The following ZDHHC20 variants were observed in gnomAD, a reference collection of about 807,000 sequenced individuals.
The protein encoded by ZDHHC20 is palmitoyltransferase ZDHHC20.
ZDHHC20 carries 43 observed loss-of-function variants against 57.8 expected under a neutral mutation model. The ratio of observed to expected loss-of-function variants is 0.74; its 90% CI spans 0.58 to 0.96. The LOEUF is 0.96. Among genes scored for constraint, ZDHHC20 ranks in the 40% least tolerant of loss-of-function variants. The pLI is 0.00. For synonymous variants in ZDHHC20, 157 were observed against 153.0 expected, an observed-to-expected ratio of 1.03 and a Z score of -0.19; for missense variants, 391 against 441.1, an observed-to-expected ratio of 0.89 and a Z score of 1.02.
chr13:21,379,878 A>G (rs2315543), intron 11 of ZDHHC20, among the ~76,000 whole-genome samples: 132,882 of 148,370 alleles, frequency 0.9, 59,548 homozygotes, highest in East Asian at 1. Context: ...GCAGTGGTGC[A>G]ATCTTGGCTC....
At chr13:21,416,775 C>G (rs1033185886) in intron 3 of ZDHHC20, among the ~76,000 whole-genome samples, 2 of 152,074 alleles carry the variant, frequency 1.3e-5, no homozygotes, top group African/African-American at 4.8e-5. Context: ...ACAGAAAGCA[C>G]AAGGATGTGA....
At chr13:21,410,908 C>T (rs532468689) in intron 4 of ZDHHC20, among the ~76,000 whole-genome samples, 17 of 152,038 alleles carry the variant, frequency 1.1e-4, no homozygotes, top group East Asian at 5.8e-4. Flanking sequence ...CACTGGGGTA[C>T]GAAAAAAAAC....
chr13:21,428,932 G>C (rs926444765), intron 1 of ZDHHC20, among the ~76,000 whole-genome samples: 6 of 151,936 alleles, frequency 3.9e-5, no homozygotes, highest in Non-Finnish European at 8.8e-5. Flanking sequence ...AAAATTATTA[G>C]GCACACTAAA....
chr13:21,387,493 C>T lies in ZDHHC20; in HGVS notation c.854+15G>A. The T allele has an allele frequency of 1.3e-6, 2 of 1,490,304 alleles. No individual in the cohort carries two copies. Among genetic ancestry groups the T allele is most frequent in the Middle Eastern group, 2.1e-4 (1 of 4,776 alleles). 92.3% of individuals were successfully genotyped at this position (1,490,304 alleles called of 1,614,324 possible). ...CAGATGCCATAATCTCTGAGACCCA[C>T]ATTTTATAAATTACCTTGAAAATAT... On this transcript the variant is annotated intron_variant, in intron 9 of 12. Transcript: ENST00000400590.
chr13:21,423,160 C>T (rs958015179), intron 2 of ZDHHC20, among the ~76,000 whole-genome samples: 5 of 152,158 alleles, frequency 3.3e-5, no homozygotes, highest in African/African-American at 9.7e-5. Flanking sequence ...GTTTCCTCCA[C>T]GTTTTAAACC....
chr13:21,391,590 G>A, intron 8 of ZDHHC20, 132 bp downstream of exon 8: 1 of 973,228 alleles, frequency 1.0e-6, no homozygotes, highest in African/African-American at 1.7e-5. Flanking sequence ...GGGATTATTA[G>A]GCACGTGCCA....
rs536058648 is a variant in ZDHHC20, at chr13:21,395,201, G to A, written c.595-3347C>T. Among the ~76,000 whole-genome samples, 4 of 151,674 alleles carry A rather than the reference G, an allele frequency of 2.6e-5. No homozygotes were observed. In the South Asian group the frequency reaches 8.3e-4, roughly 32 times the overall value. On this transcript the variant is annotated intron_variant, in intron 7 of 12. Transcript: ENST00000400590. ...CCTGCCTCAGCCTCCAGAGTAGCTG[G>A]GACTACAGGCGCCAGCTACCAGGCC...
chr13:21,378,839 G>A, intron 11 of ZDHHC20, 101 bp from the exon 12 acceptor site: 2 of 593,122 alleles, frequency 3.4e-6, no homozygotes, highest in Non-Finnish European at 5.2e-6. Flanking sequence ...TGACTATCAT[G>A]TAAATACAAA....
intron 1 of ZDHHC20, among the ~76,000 whole-genome samples, chr13:21,433,160 T>C (rs954922437): frequency 1.3e-5 from 2 of 152,102 alleles, no homozygotes; most frequent in Non-Finnish European, 2.9e-5. Context: ...AGGATTTTGC[T>C]GTATTGCCCA....
At position 21,374,208 on chromosome 13, in the gene ZDHHC20, G is replaced by GT. The variant is rs1871647946; in HGVS notation, c.*2487dup. 1.1e-5 allele frequency: 2 copies of GT among 188,984 alleles called. No individual in the cohort carries two copies. Among genetic ancestry groups the GT allele is most frequent in the Admixed American group, 5.3e-5 (1 of 18,838 alleles). 11.7% of individuals were successfully genotyped at this position (188,984 alleles called of 1,614,324 possible). A position where few individuals can be genotyped will look rare whatever the true frequency, so the allele number is the denominator to read the frequency against. The stretch of plus-strand genomic sequence containing the variant: ...ATGCAAACTGCCAAACTGGAGTTAT[G>GT]TTTTTAGTTGGTAATTGATATATAT... On this transcript the variant is annotated 3_prime_UTR_variant, in exon 13 of 13. Transcript: ENST00000400590.
chr13:21,398,320 C>T (rs967359394), intron 7 of ZDHHC20, among the ~76,000 whole-genome samples: 14 of 151,932 alleles, frequency 9.2e-5, no homozygotes, highest in Non-Finnish European at 1.9e-4. Context: ...AAAAATTAGC[C>T]GGGCGAGGTG....
chr13:21,453,787 C>T (rs913523370), intron 1 of ZDHHC20, among the ~76,000 whole-genome samples: 8 of 152,104 alleles, frequency 5.3e-5, no homozygotes, highest in East Asian at 1.9e-4. Flanking sequence ...GCCGAGATTG[C>T]GCCATTGCAC....
rs73153923 is a variant in ZDHHC20 at position 21,375,348 on chromosome 13, G to T, written c.*1348C>A. On this transcript the variant is annotated 3_prime_UTR_variant, in exon 13 of 13. Transcript: ENST00000400590. Reference sequence around the variant, plus strand: ...GGAAGCAATCAATTATTTTGGGGGGGGTGTGTGTGTGTGTGTGTCTGTCTG... The same window carrying T: ...GGAAGCAATCAATTATTTTGGGGGGTGTGTGTGTGTGTGTGTGTCTGTCTG... The T allele has an allele frequency of 8.4e-3, 2,920 of 348,092 alleles. 15 individuals are homozygous for T. Among genetic ancestry groups the T allele is most frequent in the African/African-American group, 0.02 (904 of 45,944 alleles). The allele number at this position is 348,092 out of a possible 1,614,324, so 21.6% of individuals were successfully genotyped here. A position where few individuals can be genotyped will look rare whatever the true frequency, so the allele number is the denominator to read the frequency against.
At chr13:21,448,445 G>A (rs1341536428) in intron 1 of ZDHHC20, among the ~76,000 whole-genome samples, 1 of 104,000 alleles carries the variant, frequency 9.6e-6, no homozygotes, top group South Asian at 3.4e-4. Flanking sequence ...CCGGCCAGCC[G>A]CCCCGTCCGG....
intron 9 of ZDHHC20, among the ~76,000 whole-genome samples, chr13:21,384,491 G>A (rs1349869047): frequency 6.6e-6 from 1 of 150,842 alleles, no homozygotes; most frequent in Non-Finnish European, 1.5e-5. Context: ...GAGGGGCTGA[G>A]GTGACTTAAA....
intron 7 of ZDHHC20, among the ~76,000 whole-genome samples, chr13:21,395,495 TC>T (rs1876628663): frequency 7.4e-6 from 1 of 134,806 alleles, no homozygotes; most frequent in South Asian, 2.4e-4. Flanking sequence ...TCTTTTCTTT[TC>T]TTTTTTTTTT....
intron 1 of ZDHHC20, among the ~76,000 whole-genome samples, chr13:21,449,184 C>A (rs993895471): frequency 6.8e-6 from 1 of 147,964 alleles, no homozygotes; most frequent in African/African-American, 2.5e-5. Flanking sequence ...GCCAAATCCC[C>A]CTCTGTGAGA....
chr13:21,394,919 A>G (rs1876501391), intron 7 of ZDHHC20, among the ~76,000 whole-genome samples: 1 of 152,220 alleles, frequency 6.6e-6, no homozygotes, highest in Middle Eastern at 3.4e-3. Flanking sequence ...TAAACATCTA[A>G]TGATGTTTAA....
intron 2 of ZDHHC20, among the ~76,000 whole-genome samples, chr13:21,423,374 G>A (rs997050271): frequency 2.6e-5 from 4 of 152,156 alleles, no homozygotes; most frequent in African/African-American, 9.7e-5. Context: ...TGTACCCAAT[G>A]GACTCAGTAT....
Sources: gnomAD v4.1 joint callset for allele counts (sites outside exome capture counted in the v4.1 genomes callset) on GRCh38, gnomAD v4.1.1 for gene constraint, MANE v1.5 for transcripts, NCBI Gene and HGNC (gene_info 2026-07-23, HGNC 2026-07-21) for gene names.